The following PKHD1 variants were observed in gnomAD, a reference collection of about 807,000 sequenced individuals.
PKHD1 encodes the protein fibrocystin.
PKHD1 carries 291 observed loss-of-function variants against 412.0 expected under a neutral mutation model. The ratio of observed to expected loss-of-function variants is 0.71; its 90% CI spans 0.64 to 0.78. PKHD1 has a LOEUF of 0.78. Ranked by LOEUF, PKHD1 falls within the 30% of genes least tolerant of loss-of-function variation. The pLI, the probability that PKHD1 is intolerant of heterozygous loss-of-function variation, is 0.00. For synonymous variants in PKHD1, 1,777 were observed against 1,821.5 expected, an observed-to-expected ratio of 0.98 and a Z score of 0.62; for missense variants, 4,825 against 4,950.7, an observed-to-expected ratio of 0.97 and a Z score of 0.76.
chr6:51,959,732 T>C (rs1791706947), intron 36 of PKHD1, 138 bp downstream of exon 36: 3 of 775,250 alleles, frequency 3.9e-6, no homozygotes, highest in South Asian at 1.5e-5. Flanking sequence ...TTCCTTTACA[T>C]AGTAAAATTT....
rs774046365 is a variant in PKHD1, at chr6:51,649,068, T to G, written c.11310+17A>C. The G allele has an allele frequency of 1.2e-6, 2 of 1,611,456 alleles. No individual in the cohort carries two copies. Among genetic ancestry groups the G allele is most frequent in the Non-Finnish European group, 1.7e-6 (2 of 1,177,922 alleles). On this transcript the variant is annotated intron_variant, in intron 62 of 66. Coordinates refer to ENST00000371117, the MANE Select transcript of PKHD1 (RefSeq NM_138694.4). ...TACTTAGCTCTAAAGACAGATTTGT[T>G]ACCTGTGAAAAGTTACCTGCTCATC...
intron 27 of PKHD1, among the ~76,000 whole-genome samples, chr6:52,040,387 T>C (rs1402273405): frequency 6.6e-6 from 1 of 152,160 alleles, no homozygotes; most frequent in Non-Finnish European, 1.5e-5. Context: ...ATGTCTGTCA[T>C]ATCCTCCTAA....
chr6:51,962,592 A>C (rs552600864), intron 35 of PKHD1, among the ~76,000 whole-genome samples: 5 of 152,192 alleles, frequency 3.3e-5, no homozygotes, highest in African/African-American at 1.2e-4. Context: ...CCAGTGGAGA[A>C]AGCAAAGGCT....
rs1276424379 is a variant in PKHD1, at chr6:51,747,744, G to C, written c.9829+43C>G. On this transcript the variant is annotated intron_variant, in intron 58 of 66. Coordinates refer to ENST00000371117, the MANE Select transcript of PKHD1 (RefSeq NM_138694.4). ...AATGCCATTAAAAATTTTATGCATG[G>C]ATGTATGAAATGGCACTGCCTAGAT... 3 of 1,542,506 alleles carry C rather than the reference G, an allele frequency of 1.9e-6. No individual in the cohort carries two copies. In the Admixed American group the frequency reaches 5.0e-5, roughly 26 times the overall value.
At chr6:51,677,370 G>A (rs554767598) in intron 60 of PKHD1, among the ~76,000 whole-genome samples, 5 of 152,156 alleles carry the variant, frequency 3.3e-5, no homozygotes, top group African/African-American at 4.8e-5. Context: ...TTCAATGCTC[G>A]GGAGCCACAA....
At chr6:52,082,332 T>C in intron 4 of PKHD1, 60 bp downstream of exon 4, 1 of 1,549,236 alleles carries the variant, frequency 6.5e-7, no homozygotes, top group Non-Finnish European at 8.9e-7. Context: ...CACCAAAAGA[T>C]ACTGAGATAA....
intron 52 of PKHD1, among the ~76,000 whole-genome samples, chr6:51,819,758 T>A (rs749969059): frequency 2.6e-5 from 4 of 152,170 alleles, no homozygotes; most frequent in Non-Finnish European, 5.9e-5. Flanking sequence ...TATCACACAT[T>A]ATGCAAACAG....
chr6:51,743,108 GC>G (rs1487115877), intron 60 of PKHD1, among the ~76,000 whole-genome samples: 1 of 152,138 alleles, frequency 6.6e-6, no homozygotes, highest in East Asian at 1.9e-4. Context: ...CAGGCTTGTA[GC>G]TGGGACTTCA....
At chr6:51,825,753 G>C (rs1328095605) in intron 52 of PKHD1, among the ~76,000 whole-genome samples, 20 of 152,042 alleles carry the variant, frequency 1.3e-4, no homozygotes, top group Non-Finnish European at 2.5e-4. Context: ...TAATGATACA[G>C]TTTCAGAACA....
At chr6:51,836,509 T>C (rs1420747922) in intron 50 of PKHD1, 40 bp from the exon 51 acceptor site, 6 of 1,380,154 alleles carry the variant, frequency 4.3e-6, no homozygotes, top group South Asian at 1.2e-5. Flanking sequence ...GATACAAAGA[T>C]CATCTTAATA....
intron 35 of PKHD1, among the ~76,000 whole-genome samples, chr6:51,991,588 G>T (rs1797046144): frequency 6.6e-6 from 1 of 152,160 alleles, no homozygotes; most frequent in Admixed American, 6.5e-5. Context: ...ATTTAAAATT[G>T]ATTATTTTAA....
At position 51,659,126 on chromosome 6, in the gene PKHD1, C is replaced by G. The variant is rs201692162; in HGVS notation, c.11000G>C (p.Gly3667Ala). 2.9e-5 allele frequency: 46 copies of G among 1,613,820 alleles called. No individual in the cohort carries two copies. Among genetic ancestry groups the G allele is most frequent in the Non-Finnish European group, 3.3e-5 (39 of 1,179,866 alleles). ...TISKVIVIEI[G>A]DSPTVRSTGM... is the part of the protein sequence containing the mutation. ...AGTGCTCCTTACTGTTGGCGAATCA[C>G]CAATTTCAATGACAATCACTTTTGA... is the stretch of plus-strand genomic sequence containing the variant. Residue 3667 changes from glycine to alanine, a missense_variant, in exon 61 of 67, where the codon GGT (glycine) becomes GCT (alanine). Coordinates refer to ENST00000371117, the MANE Select transcript of PKHD1 (RefSeq NM_138694.4).
intron 60 of PKHD1, among the ~76,000 whole-genome samples, chr6:51,727,594 A>G (rs1231436453): frequency 6.6e-6 from 1 of 152,182 alleles, no homozygotes; most frequent in Non-Finnish European, 1.5e-5. Flanking sequence ...GTCTGCCCAC[A>G]TATGCAGTGC....
At chr6:52,075,922 T>G (rs1210019718) in intron 6 of PKHD1, among the ~76,000 whole-genome samples, 2 of 152,228 alleles carry the variant, frequency 1.3e-5, no homozygotes. Context: ...GAGCTTAGAC[T>G]GGAGCCTGGC....
At chr6:51,636,475 AG>A (rs1768580930) in intron 64 of PKHD1, among the ~76,000 whole-genome samples, 1 of 152,022 alleles carries the variant, frequency 6.6e-6, no homozygotes, top group Non-Finnish European at 1.5e-5. Flanking sequence ...TGAGCCTGGG[AG>A]GTTGAGACTG....
rs561192113 is a variant in PKHD1, at chr6:51,775,870, C to G, written c.8492G>C (p.Arg2831Thr). The G allele has an allele frequency of 6.2e-7, 1 of 1,602,210 alleles. No homozygotes were observed. Among genetic ancestry groups the G allele is most frequent in the Non-Finnish European group, 8.5e-7 (1 of 1,170,214 alleles). Residue 2831 changes from arginine to threonine, a missense_variant, in exon 54 of 67, where the codon AGA (arginine) becomes ACA (threonine). Arg to Thr is a moderately conservative substitution (Grantham distance 71). Transcript: ENST00000371117. ...GTCACAAAAGACTCCCTCTGAGGCT[C>G]TAAGGAGAATCAGAAGCTTTTGTTC... ...EKEQKLLILLRASEGVFCDRM... is the reference protein window; with the variant it reads ...EKEQKLLILLTASEGVFCDRM...
Position 52,025,157 on chromosome 6 carries a change from T to G in PKHD1, c.4653A>C (p.Ser1551=), listed in dbSNP as rs1293523388. ...RDLAPGPHYL[S]VFYTRNGYAC... ...CATACCCATTTCTTGTATAAAAAAC[T>G]GACAGGTAGTGGGGTCCTGGGGCCA... The change falls in exon 32 of 67, where the codon TCA becomes TCC. Residue 1551 remains serine (S), a synonymous_variant. Transcript: ENST00000371117. The G allele has an allele frequency of 2.5e-6, 4 of 1,613,994 alleles. No homozygotes were observed. The highest frequency in any genetic ancestry group is 3.4e-6 in the Non-Finnish European group (4 of 1,180,010).
At chr6:51,632,503 G>A in intron 65 of PKHD1, 62 bp downstream of exon 65, 1 of 1,352,772 alleles carries the variant, frequency 7.4e-7, no homozygotes. Flanking sequence ...TCATTAATAT[G>A]TTATGTATGA....
intron 55 of PKHD1, among the ~76,000 whole-genome samples, chr6:51,758,624 G>T (rs534370794): frequency 2.0e-5 from 3 of 152,102 alleles, no homozygotes; most frequent in Admixed American, 2.0e-4. Context: ...AAAATTAAAA[G>T]ACTTTTTTTC....
Sources: gnomAD v4.1 joint callset for allele counts (sites outside exome capture counted in the v4.1 genomes callset) on GRCh38, gnomAD v4.1.1 for gene constraint, MANE v1.5 for transcripts, NCBI Gene and HGNC (gene_info 2026-07-23, HGNC 2026-07-21) for gene names.